NKAIN2: variants seen among roughly 807,000 people sequenced by gnomAD.
The protein encoded by NKAIN2 is sodium/potassium-transporting ATPase subunit beta-1-interacting protein 2.
In NKAIN2, 14 loss-of-function variants were observed where a neutral mutation model predicts 32.6. That is an observed-to-expected ratio of 0.43 (90% confidence interval 0.28 to 0.67). The LOEUF is 0.67. Among genes scored for constraint, NKAIN2 ranks in the 30% least tolerant of loss-of-function variants. NKAIN2 has a pLI of 0.17. For synonymous variants in NKAIN2, 80 were observed against 87.2 expected (o/e 0.92, Z 0.46); for missense variants, 198 against 258.3 (o/e 0.77, Z 1.60).
chr6:124,058,291 G>C (rs187044672), intron 1 of NKAIN2, among the ~76,000 whole-genome samples: 2 of 150,662 alleles, frequency 1.3e-5, no homozygotes, highest in Admixed American at 6.6e-5. Flanking sequence ...AAAGCAAGAG[G>C]GAGTCATGAG....
chr6:124,698,661 C>T (rs1407107766), intron 4 of NKAIN2, among the ~76,000 whole-genome samples: 1 of 152,122 alleles, frequency 6.6e-6, no homozygotes, highest in Non-Finnish European at 1.5e-5. Context: ...ACTGTCATTC[C>T]TATGCCATAA....
chr6:124,482,926 A>AT (rs1171567042), intron 3 of NKAIN2, among the ~76,000 whole-genome samples: 1 of 152,146 alleles, frequency 6.6e-6, no homozygotes, highest in Non-Finnish European at 1.5e-5. Flanking sequence ...CGAGGTCAGG[A>AT]GATTGAGACC....
intron 2 of NKAIN2, among the ~76,000 whole-genome samples, chr6:124,339,202 G>A (rs1024732780): frequency 2.6e-5 from 4 of 152,092 alleles, no homozygotes; most frequent in East Asian, 3.9e-4. Flanking sequence ...GTAGCCGGGC[G>A]TGGTGGCGCG....
intron 4 of NKAIN2, among the ~76,000 whole-genome samples, chr6:124,693,184 C>A (rs971439369): frequency 1.3e-5 from 2 of 152,058 alleles, no homozygotes; most frequent in African/African-American, 2.4e-5. Context: ...ACCACATATA[C>A]AATGTTGGTC....
chr6:124,757,248 C>G lies in NKAIN2; in HGVS notation c.475-34091C>G, dbSNP rs77412617. Among the ~76,000 whole-genome samples, 56 of 152,254 alleles carry G rather than the reference C, an allele frequency of 3.7e-4. 1 individual carries two copies. Among genetic ancestry groups the G allele is most frequent in the African/African-American group, 1.3e-3 (52 of 41,564 alleles). On this transcript the variant is annotated intron_variant, in intron 4 of 6. Coordinates refer to ENST00000368417, the MANE Select transcript of NKAIN2 (RefSeq NM_001040214.3). The stretch of plus-strand genomic sequence containing the variant: ...TCTGATGTGATCTTCCATTCATTCT[C>G]TACATTTTTTCCCACATTTCCTTTT...
chr6:123,976,310 TCCATATATATATATGTTC>T (rs1562287382), intron 1 of NKAIN2, among the ~76,000 whole-genome samples: 2 of 67,680 alleles, frequency 3.0e-5, no homozygotes, highest in Middle Eastern at 7.0e-3. Context: ...TATATATGTT[TCCATATATATATATGTTC>T]CCATATATAT....
At chr6:123,887,737 G>T (rs1044638776) in intron 1 of NKAIN2, among the ~76,000 whole-genome samples, 1 of 152,060 alleles carries the variant, frequency 6.6e-6, no homozygotes, top group African/African-American at 2.4e-5. Flanking sequence ...ATTGCCTAAG[G>T]TCAGATGTAG....
intron 1 of NKAIN2, among the ~76,000 whole-genome samples, chr6:124,040,341 T>C (rs1217870539): frequency 6.6e-6 from 1 of 151,944 alleles, no homozygotes; most frequent in Non-Finnish European, 1.5e-5. Flanking sequence ...ATTTTGCAGT[T>C]CTTTTTAAAA....
intron 3 of NKAIN2, among the ~76,000 whole-genome samples, chr6:124,485,939 G>A (rs940640052): frequency 1.3e-5 from 2 of 152,094 alleles, no homozygotes; most frequent in Admixed American, 6.5e-5. Flanking sequence ...GAAAGCCTTC[G>A]AGGTGTGAAT....
At chr6:124,540,516 A>G (rs975606102) in intron 3 of NKAIN2, among the ~76,000 whole-genome samples, 2 of 152,224 alleles carry the variant, frequency 1.3e-5, no homozygotes, top group South Asian at 2.1e-4. Flanking sequence ...GTTGAGAACA[A>G]AAGTATTGTG....
chr6:124,327,325 T>G (rs72965807), intron 2 of NKAIN2, among the ~76,000 whole-genome samples: 1 of 152,094 alleles, frequency 6.6e-6, no homozygotes, highest in South Asian at 2.1e-4. Context: ...ATTTTTTCTT[T>G]GTGTATAGGA....
intron 5 of NKAIN2, among the ~76,000 whole-genome samples, chr6:124,795,842 C>T (rs1411734681): frequency 6.6e-6 from 1 of 152,162 alleles, no homozygotes; most frequent in Non-Finnish European, 1.5e-5. Context: ...CCACCTCCTA[C>T]AGGCCCTACC....
intron 4 of NKAIN2, among the ~76,000 whole-genome samples, chr6:124,664,875 GAGA>G (rs1163629030): frequency 8.0e-6 from 1 of 125,540 alleles, no homozygotes; most frequent in African/African-American, 3.0e-5. Flanking sequence ...AGTTCACAAA[GAGA>G]AGAAATTACA....
chr6:124,274,270 T>C (rs953612388), intron 1 of NKAIN2, among the ~76,000 whole-genome samples: 1 of 152,180 alleles, frequency 6.6e-6, no homozygotes, highest in African/African-American at 2.4e-5. Context: ...GCATAATTTG[T>C]AGTAATAGAG....
At chr6:123,927,860 T>C (rs1776074194) in intron 1 of NKAIN2, among the ~76,000 whole-genome samples, 1 of 152,238 alleles carries the variant, frequency 6.6e-6, no homozygotes, top group Admixed American at 6.5e-5. Context: ...CTTGCAGATG[T>C]AACTTCTGTC....
chr6:124,382,328 C>T (rs1490327054), intron 3 of NKAIN2, among the ~76,000 whole-genome samples: 1 of 151,984 alleles, frequency 6.6e-6, no homozygotes, highest in Non-Finnish European at 1.5e-5. Flanking sequence ...ATTCATTTTC[C>T]AACTTTTCTC....
intron 4 of NKAIN2, among the ~76,000 whole-genome samples, chr6:124,687,095 C>A (rs1221861546): frequency 6.6e-6 from 1 of 150,650 alleles, no homozygotes; most frequent in African/African-American, 2.4e-5. Flanking sequence ...TATTGTGGGA[C>A]CTTGTGAACA....
chr6:123,851,727 T>G (rs1045710115), intron 1 of NKAIN2, among the ~76,000 whole-genome samples: 4 of 152,206 alleles, frequency 2.6e-5, no homozygotes, highest in African/African-American at 7.2e-5. Context: ...AATATACTTG[T>G]TGGCCATTTG....
chr6:124,659,762 C>G (rs1237908377), intron 4 of NKAIN2, among the ~76,000 whole-genome samples: 1 of 151,890 alleles, frequency 6.6e-6, no homozygotes, highest in African/African-American at 2.4e-5. Context: ...GAGGAAGGCT[C>G]ATTGTTCACA....
Sources: gnomAD v4.1 joint callset for allele counts (sites outside exome capture counted in the v4.1 genomes callset) on GRCh38, gnomAD v4.1.1 for gene constraint, MANE v1.5 for transcripts, NCBI Gene and HGNC (gene_info 2026-07-23, HGNC 2026-07-21) for gene names.